ZNF608: variants seen among roughly 807,000 people sequenced by gnomAD.
The protein encoded by ZNF608 is renal carcinoma antigen NY-REN-36.
Under a neutral mutation model 109.0 loss-of-function variants are expected in ZNF608, and 12 were observed. The ratio of observed to expected loss-of-function variants is 0.11; its 90% CI spans 0.07 to 0.18. ZNF608 has a LOEUF of 0.18. ZNF608 is among the 10% of genes least tolerant of loss of function. The pLI, the probability that ZNF608 is intolerant of heterozygous loss-of-function variation, is 1.00. For missense variants in ZNF608, 1,707 were observed against 1,879.3 expected (o/e 0.91, Z 1.70); for synonymous variants, 732 against 717.4 (o/e 1.02, Z -0.33).
intron 2 of ZNF608, among the ~76,000 whole-genome samples, chr5:124,719,954 C>T (rs1334295695): frequency 6.6e-6 from 1 of 152,186 alleles, no homozygotes; most frequent in Admixed American, 6.5e-5. Context: ...AGTTTCTTCA[C>T]CTGTGAGCCA....
chr5:124,660,375 C>T (rs1580564141), intron 3 of ZNF608, among the ~76,000 whole-genome samples: 1 of 152,276 alleles, frequency 6.6e-6, no homozygotes, highest in East Asian at 1.9e-4. Flanking sequence ...GTTGGTGAAC[C>T]TCCCTGTTCT....
At chr5:124,747,051 A>G (rs1451608195), upstream of ZNF608, among the ~76,000 whole-genome samples, 1 of 152,058 alleles carries the variant, frequency 6.6e-6, no homozygotes. Context: ...ATGTTGTTTT[A>G]AGAAAAAGGA....
At chr5:124,661,719 C>T (rs1029407613) in intron 3 of ZNF608, among the ~76,000 whole-genome samples, 2 of 152,152 alleles carry the variant, frequency 1.3e-5, no homozygotes, top group Admixed American at 1.3e-4. Context: ...GCTTTACTGT[C>T]TATTTCTATA....
At position 124,637,016 on chromosome 5, in the gene ZNF608, A is replaced by G. The variant is rs537548200; in HGVS notation, c.*884T>C. 1.3e-5 allele frequency: 2 copies of G among 152,406 alleles called. No homozygotes were observed. The highest frequency in any genetic ancestry group is 2.9e-5 in the Non-Finnish European group (2 of 68,002). The allele number at this position is 152,406 out of a possible 1,614,324, so 9.4% of individuals were successfully genotyped here. ...ATATACATTTTACATAAAATAAACT[A>G]GATTACAGCATAAAACAAGTAACCA... On this transcript the variant is annotated 3_prime_UTR_variant, in exon 10 of 10. Coordinates refer to ENST00000513986, the MANE Select transcript of ZNF608 (RefSeq NM_020747.3).
At position 124,647,091 on chromosome 5, in the gene ZNF608, C is replaced by G. The variant is rs761882925; in HGVS notation, c.3293G>C (p.Ser1098Thr). 23 of 1,613,988 alleles carry G rather than the reference C, an allele frequency of 1.4e-5. No individual in the cohort carries two copies. Among genetic ancestry groups the G allele is most frequent in the Non-Finnish European group, 1.9e-5 (23 of 1,180,004 alleles). The change falls in exon 5 of 10, where the codon AGC (serine) becomes ACC (threonine). Residue 1098 changes from serine to threonine, a missense_variant. This residue lies in a region of ZNF608 where 1,073 missense variants were observed against 1,133.5 expected (regional missense o/e 0.95). Transcript: ENST00000513986. ...YMDQKSLMAT[S>T]PAYRQQYEKY... ...CTCATACTGCTGTCTATAGGCAGGG[C>G]TGGTGGCCATCAGAGACTTCTGGTC...
chr5:124,659,254 A>T (rs1456365874), intron 3 of ZNF608, among the ~76,000 whole-genome samples: 1 of 152,138 alleles, frequency 6.6e-6, no homozygotes, highest in Non-Finnish European at 1.5e-5. Context: ...AAGCCAGACA[A>T]AAATAAATCA....
chr5:124,706,294 C>A (rs568931770), intron 2 of ZNF608, among the ~76,000 whole-genome samples: 1 of 152,288 alleles, frequency 6.6e-6, no homozygotes, highest in East Asian at 1.9e-4. Flanking sequence ...GTGACTACTA[C>A]AGAAGATCAT....
intron 3 of ZNF608, among the ~76,000 whole-genome samples, chr5:124,682,456 A>G (rs1176694881): frequency 6.6e-6 from 1 of 152,246 alleles, no homozygotes; most frequent in Non-Finnish European, 1.5e-5. Flanking sequence ...GAGTCAGGAA[A>G]TAGTGTATCC....
At chr5:124,687,696 CATG>C (rs891403989) in intron 3 of ZNF608, among the ~76,000 whole-genome samples, 1 of 152,114 alleles carries the variant, frequency 6.6e-6, no homozygotes, top group Non-Finnish European at 1.5e-5. Flanking sequence ...TTTGAAAATC[CATG>C]ATATGACTTC....
At chr5:124,732,478 A>G (rs912559252) in intron 2 of ZNF608, among the ~76,000 whole-genome samples, 19 of 152,036 alleles carry the variant, frequency 1.2e-4, no homozygotes, top group African/African-American at 4.1e-4. Context: ...AACTGCAACT[A>G]CAACATGGAC....
chr5:124,702,747 C>A (rs879787825), intron 2 of ZNF608, among the ~76,000 whole-genome samples: 3 of 152,180 alleles, frequency 2.0e-5, no homozygotes, highest in Admixed American at 1.3e-4. Context: ...TAATTTCCTG[C>A]TCTCAAAGCT....
At chr5:124,668,255 G>T (rs1330484868) in intron 3 of ZNF608, among the ~76,000 whole-genome samples, 1 of 144,648 alleles carries the variant, frequency 6.9e-6, no homozygotes, top group South Asian at 2.2e-4. Flanking sequence ...TATATATACC[G>T]CAGGATGTAG....
chr5:124,672,189 G>A (rs1033932565), intron 3 of ZNF608, among the ~76,000 whole-genome samples: 1 of 152,116 alleles, frequency 6.6e-6, no homozygotes, highest in Non-Finnish European at 1.5e-5. Context: ...GTCTGTGTCA[G>A]TGATTTCCAA....
At chr5:124,639,803 T>A (rs1169316980) in intron 8 of ZNF608, among the ~76,000 whole-genome samples, 1 of 152,152 alleles carries the variant, frequency 6.6e-6, no homozygotes, top group African/African-American at 2.4e-5. Context: ...TAGAAGACAG[T>A]CCTGGGGAAA....
chr5:124,674,580 C>T (rs1434896448), intron 3 of ZNF608, among the ~76,000 whole-genome samples: 2 of 152,156 alleles, frequency 1.3e-5, no homozygotes, highest in Non-Finnish European at 2.9e-5. Flanking sequence ...TGAGCCAATG[C>T]ATTTTTTTTC....
rs759898428 is a variant in ZNF608 at position 124,644,227 on chromosome 5, G to T, written c.4123+17C>A. The T allele has an allele frequency of 6.3e-7, 1 of 1,585,424 alleles. No individual in the cohort carries two copies. Among genetic ancestry groups the T allele is most frequent in the South Asian group, 1.1e-5 (1 of 88,016 alleles). On this transcript the variant is annotated intron_variant, in intron 6 of 9. Coordinates refer to ENST00000513986, the MANE Select transcript of ZNF608 (RefSeq NM_020747.3). ...TCGCCTCTTTCCTCCAATATAGTCA[G>T]AACCGACAACACGTACCAGGATAAC...
chr5:124,711,742 C>T (rs1314291484), intron 2 of ZNF608, among the ~76,000 whole-genome samples: 1 of 152,168 alleles, frequency 6.6e-6, no homozygotes. Flanking sequence ...CAGTTAAGCC[C>T]AGGGCATTGT....
intron 2 of ZNF608, among the ~76,000 whole-genome samples, chr5:124,714,182 A>G (rs182551336): frequency 6.6e-6 from 1 of 152,350 alleles, no homozygotes; most frequent in African/African-American, 2.4e-5. Context: ...TCCCAAAAGA[A>G]GAAACAACCA....
rs559815835 is a variant in ZNF608 at position 124,718,182 on chromosome 5, C to G, written c.907-16913G>C. Among the ~76,000 whole-genome samples the G allele has an allele frequency of 1.3e-3, 193 of 152,312 alleles. 2 individuals carry two copies. Among genetic ancestry groups the G allele is most frequent in the African/African-American group, 4.2e-3 (174 of 41,580 alleles). On this transcript the variant is annotated intron_variant, in intron 2 of 9. Transcript: ENST00000513986. ...CTTGGAGTAGGTAGCAAAAGCAAAA[C>G]TGGGACCTGCCATCCCAACTTGTAC...
Sources: allele counts gnomAD v4.1 joint callset (sites outside exome capture counted in the v4.1 genomes callset), GRCh38; gene constraint gnomAD v4.1.1; regional missense constraint gnomAD v4.1.1; transcripts MANE v1.5; gene names NCBI Gene and HGNC (gene_info 2026-07-23, HGNC 2026-07-21).